Variants in GRIK2 observed in about 807,000 individuals in gnomAD.
GRIK2 encodes glutamate receptor ionotropic, kainate 2.
A neutral mutation model predicts 100.3 loss-of-function variants in GRIK2; 32 were observed. That is an observed-to-expected ratio of 0.32 (90% CI 0.24 to 0.43). GRIK2 has a LOEUF of 0.43. GRIK2 is among the 20% of genes least tolerant of loss of function. The pLI is 1.00. For missense variants in GRIK2, 843 were observed against 1,114.9 expected, an observed-to-expected ratio of 0.76 and a Z score of 3.47; for synonymous variants, 417 against 389.4, an observed-to-expected ratio of 1.07 and a Z score of -0.83.
At chr6:101,684,035 G>T (rs756503294) in intron 6 of GRIK2, among the ~76,000 whole-genome samples, 2 of 152,148 alleles carry the variant, frequency 1.3e-5, no homozygotes, top group Non-Finnish European at 2.9e-5. Flanking sequence ...GATTGCAATA[G>T]CTTCCTGTGA....
At chr6:101,627,235 A>G (rs897582349) in intron 4 of GRIK2, among the ~76,000 whole-genome samples, 1 of 151,840 alleles carries the variant, frequency 6.6e-6, no homozygotes, top group African/African-American at 2.4e-5. Flanking sequence ...TCTGCCTCCC[A>G]GGTTCAAGCG....
intron 2 of GRIK2, among the ~76,000 whole-genome samples, chr6:101,478,445 A>C (rs1048313652): frequency 1.3e-5 from 2 of 151,612 alleles, no homozygotes; most frequent in African/African-American, 4.8e-5. Context: ...CCAGATGTGG[A>C]AACTTTTTAT....
At chr6:102,059,892 C>T (rs1771661471) in intron 16 of GRIK2, among the ~76,000 whole-genome samples, 1 of 150,106 alleles carries the variant, frequency 6.7e-6, no homozygotes, top group Admixed American at 6.7e-5. Context: ...TTTTATTGAA[C>T]TGTCTGGATA....
chr6:101,658,174 G>A (rs963427546), intron 4 of GRIK2, among the ~76,000 whole-genome samples: 2 of 152,012 alleles, frequency 1.3e-5, no homozygotes, highest in South Asian at 4.2e-4. Flanking sequence ...TTGTCTACAT[G>A]AGGTACTTCT....
In GRIK2 at chr6:101,464,503, T is replaced by C. The variant is rs1297784577; in HGVS notation, c.115+65111T>C. On this transcript the variant is annotated intron_variant, in intron 2 of 16. Transcript: ENST00000369134. The stretch of plus-strand genomic sequence containing the variant: ...TTACCTTTTCTTTTTCTTTCTTTTT[T>C]TTTTTTTTTTTTTTTTTTTTTTTTT... 7.2e-3 allele frequency among the ~76,000 whole-genome samples: 71 copies of C among 9,898 alleles called. 8 individuals are homozygous for C. The highest frequency in any genetic ancestry group is 0.026 in the South Asian group (7 of 272). The allele number at this position is 9,898 out of a possible 152,430, so 6.5% of individuals were successfully genotyped here. A position where few individuals can be genotyped will look rare whatever the true frequency, so the allele number is the denominator to read the frequency against.
chr6:101,802,183 T>A (rs1371366286), intron 8 of GRIK2, 148 bp from the exon 9 acceptor site: 7 of 417,466 alleles, frequency 1.7e-5, no homozygotes, highest in Non-Finnish European at 3.0e-5. Context: ...AAAACATTTT[T>A]CAAATTTCAG....
intron 10 of GRIK2, among the ~76,000 whole-genome samples, chr6:101,855,205 C>T (rs2518201): frequency 0.72 from 110,076 of 151,986 alleles, 42,275 homozygotes; most frequent in Non-Finnish European, 0.87. Context: ...AACACATGTG[C>T]CTTGAGCACC....
At chr6:101,853,433 A>C (rs1224503296) in intron 10 of GRIK2, among the ~76,000 whole-genome samples, 1 of 152,192 alleles carries the variant, frequency 6.6e-6, no homozygotes, top group Non-Finnish European at 1.5e-5. Context: ...AACACTGACA[A>C]CACCAAATGC....
chr6:102,033,018 A>C (rs1457088039), intron 14 of GRIK2, among the ~76,000 whole-genome samples: 1 of 151,248 alleles, frequency 6.6e-6, no homozygotes, highest in Non-Finnish European at 1.5e-5. Flanking sequence ...CCCATGTTTG[A>C]GTCCTGGTTT....
intron 14 of GRIK2, among the ~76,000 whole-genome samples, chr6:101,947,707 A>G (rs1791364517): frequency 6.6e-6 from 1 of 152,198 alleles, no homozygotes; most frequent in Non-Finnish European, 1.5e-5. Flanking sequence ...CTCTTATTAT[A>G]ACAAAGGCAT....
intron 7 of GRIK2, among the ~76,000 whole-genome samples, chr6:101,743,488 A>C (rs1776178158): frequency 6.6e-6 from 1 of 152,200 alleles, no homozygotes; most frequent in Non-Finnish European, 1.5e-5. Context: ...ATGGAAACTT[A>C]TTTAGACCAG....
At chr6:102,054,537 A>G (rs1020871928) in intron 15 of GRIK2, among the ~76,000 whole-genome samples, 1 of 152,138 alleles carries the variant, frequency 6.6e-6, no homozygotes, top group East Asian at 1.9e-4. Flanking sequence ...TTTCTGGTCA[A>G]TGAATTAGCA....
At chr6:101,844,643 T>G (rs569967124) in intron 10 of GRIK2, among the ~76,000 whole-genome samples, 103 of 152,348 alleles carry the variant, frequency 6.8e-4, no homozygotes, top group Middle Eastern at 3.4e-3. Flanking sequence ...ATGATTGTGC[T>G]AGATGTTTAC....
At chr6:101,608,506 A>G (rs1163114373) in intron 2 of GRIK2, among the ~76,000 whole-genome samples, 4 of 151,940 alleles carry the variant, frequency 2.6e-5, no homozygotes, top group Non-Finnish European at 5.9e-5. Flanking sequence ...TAATAGAAAT[A>G]TACAAAATTG....
chr6:101,408,217 G>T (rs1190716232), intron 2 of GRIK2, among the ~76,000 whole-genome samples: 3 of 152,064 alleles, frequency 2.0e-5, no homozygotes, highest in Non-Finnish European at 2.9e-5. Flanking sequence ...AGAATAAGTG[G>T]ATCTTCTTTC....
Position 101,409,435 on chromosome 6 carries a change from T to C in GRIK2, c.115+10043T>C, listed in dbSNP as rs531188212. Among the ~76,000 whole-genome samples the C allele has an allele frequency of 3.0e-4, 45 of 152,232 alleles. 1 individual carries two copies. The highest frequency in any genetic ancestry group is 7.2e-4 in the Admixed American group (11 of 15,274). ...ATGTATTCCTGTTGTTAAGCACTCA[T>C]GAATGTATATACATAATATGTCTAT... On this transcript the variant is annotated intron_variant, in intron 2 of 16. Transcript: ENST00000369134.
intron 2 of GRIK2, among the ~76,000 whole-genome samples, chr6:101,582,686 G>A (rs1778158743): frequency 6.6e-6 from 1 of 152,114 alleles, no homozygotes; most frequent in Admixed American, 6.6e-5. Flanking sequence ...AAACACGTTG[G>A]TAATGTACAG....
In GRIK2 at chr6:101,465,210, AC is replaced by A. The variant is rs1771578364; in HGVS notation, c.115+65820del. ...GAGTGAAGTCTGAGCTTTTAGTCTA[AC>A]CATCACCCAAATAATATACATTGTA... On this transcript the variant is annotated intron_variant, in intron 2 of 16. Coordinates refer to ENST00000369134, the MANE Select transcript of GRIK2 (RefSeq NM_021956.5). Among the ~76,000 whole-genome samples the A allele has an allele frequency of 3.9e-5, 6 of 152,106 alleles. No homozygotes were observed. In the South Asian group the frequency reaches 1.2e-3, roughly 32 times the overall value.
intron 2 of GRIK2, among the ~76,000 whole-genome samples, chr6:101,473,856 GC>G (rs1772082502): frequency 6.6e-6 from 1 of 151,786 alleles, no homozygotes; most frequent in Admixed American, 6.6e-5. Flanking sequence ...AGCAGATGTT[GC>G]TTTTTTGTAT....
Sources: gnomAD v4.1 joint callset for allele counts (sites outside exome capture counted in the v4.1 genomes callset) on GRCh38, gnomAD v4.1.1 for gene constraint, MANE v1.5 for transcripts, NCBI Gene and HGNC (gene_info 2026-07-23, HGNC 2026-07-21) for gene names.